FRRS1L: variants seen among roughly 807,000 people sequenced by gnomAD.
The protein encoded by FRRS1L is ferric chelate reductase 1 like.
Under a neutral mutation model 28.6 loss-of-function variants are expected in FRRS1L, and 22 were observed. That is an observed-to-expected ratio of 0.77 (90% CI 0.55 to 1.10). The LOEUF is 1.10. FRRS1L is among the 50% of genes least tolerant of loss of function. FRRS1L has a pLI of 0.00. For missense variants in FRRS1L, 380 were observed against 386.9 expected (o/e 0.98, Z 0.15); for synonymous variants, 158 against 151.4 (o/e 1.04, Z -0.32).
chr9:109,146,224 T>A (rs909822279), intron 3 of FRRS1L, among the ~76,000 whole-genome samples: 3 of 151,312 alleles, frequency 2.0e-5, no homozygotes, highest in African/African-American at 7.3e-5. Flanking sequence ...AACAAATAAA[T>A]TAAATAAATA....
rs1282597355 is a variant in FRRS1L, at chr9:109,131,159, G to C, written c.*6296C>G. The C allele has an allele frequency of 3.3e-5, 5 of 152,124 alleles. No homozygotes were observed. The highest frequency in any genetic ancestry group is 6.5e-5 in the Admixed American group (1 of 15,268). The allele number at this position is 152,124 out of a possible 1,614,324, so 9.4% of individuals were successfully genotyped here. Reference sequence around the variant, plus strand: ...ACTGGATACTTGAATAACTGAATAAGGAACCTAATTAAATACAAAACCTGT... The same window carrying C: ...ACTGGATACTTGAATAACTGAATAACGAACCTAATTAAATACAAAACCTGT... On this transcript the variant is annotated 3_prime_UTR_variant, in exon 5 of 5. Transcript: ENST00000561981.
At chr9:109,147,499 T>C (rs1831279545) in intron 2 of FRRS1L, 1 of 248,758 alleles carries the variant, frequency 4.0e-6, no homozygotes, top group Non-Finnish European at 7.7e-6. Flanking sequence ...CTCTACATTA[T>C]ATTAGTATTA....
chr9:109,161,756 T>A (rs1831483157), intron 1 of FRRS1L, among the ~76,000 whole-genome samples: 1 of 152,192 alleles, frequency 6.6e-6, no homozygotes, highest in African/African-American at 2.4e-5. Flanking sequence ...TTCCTTGAAG[T>A]TTAAGTTTTA....
rs1316558920 is a variant in FRRS1L, at chr9:109,160,513, TG to T, written c.238+6387del. ...GTGATCCTCCTGCCTCAGCCTCTCG[TG>T]TAGCTGGGACCACAGCTGTGTGCCA... On this transcript the variant is annotated intron_variant, in intron 1 of 4. Transcript: ENST00000561981. Among the ~76,000 whole-genome samples, 6 of 152,132 alleles carry T rather than the reference TG, an allele frequency of 3.9e-5. No individual in the cohort carries two copies. The East Asian group carries it at 1.2e-3, about 29-fold the overall frequency.
rs56265989 is a variant in FRRS1L at position 109,132,000 on chromosome 9, G to C, written c.*5455C>G. 4 of 128,334 alleles carry C rather than the reference G, an allele frequency of 3.1e-5. No individual in the cohort carries two copies. The highest frequency in any genetic ancestry group is 6.9e-5 in the Non-Finnish European group (4 of 58,188). 7.9% of individuals were successfully genotyped at this position (128,334 alleles called of 1,614,324 possible). A position where few individuals can be genotyped will look rare whatever the true frequency, so the allele number is the denominator to read the frequency against. On this transcript the variant is annotated 3_prime_UTR_variant, in exon 5 of 5. Coordinates refer to ENST00000561981, the MANE Select transcript of FRRS1L (RefSeq NM_014334.4). ...TTTATTTATTTATTTTTTAGACGGAGTCTTGCTCTGTTACCCAGGCTGGAG... is the reference window on the plus strand; with the variant it reads ...TTTATTTATTTATTTTTTAGACGGACTCTTGCTCTGTTACCCAGGCTGGAG...
intron 1 of FRRS1L, among the ~76,000 whole-genome samples, chr9:109,157,759 T>A (rs1162315516): frequency 6.6e-6 from 1 of 152,260 alleles, no homozygotes; most frequent in Admixed American, 6.5e-5. Context: ...TTTATTTGGA[T>A]ACTATACTGT....
chr9:109,141,250 G>A (rs531510730), intron 4 of FRRS1L, 93 bp downstream of exon 4: 26 of 1,403,112 alleles, frequency 1.9e-5, no homozygotes, highest in African/African-American at 4.2e-5. Context: ...AGTGCTTATC[G>A]CTCTCTTGTG....
Position 109,131,165 on chromosome 9 carries a change from T to G in FRRS1L, c.*6290A>C, listed in dbSNP as rs1250406140. 6.6e-6 allele frequency: 1 copy of G among 152,234 alleles called. No individual in the cohort carries two copies. Among genetic ancestry groups the G allele is most frequent in the Non-Finnish European group, 1.5e-5 (1 of 68,040 alleles). The allele number at this position is 152,234 out of a possible 1,614,324, so 9.4% of individuals were successfully genotyped here. On this transcript the variant is annotated 3_prime_UTR_variant, in exon 5 of 5. Transcript: ENST00000561981. Reference sequence around the variant, plus strand: ...TACTTGAATAACTGAATAAGGAACCTAATTAAATACAAAACCTGTATAGGT... The same window carrying G: ...TACTTGAATAACTGAATAAGGAACCGAATTAAATACAAAACCTGTATAGGT...
chr9:109,160,315 T>C (rs552754520), intron 1 of FRRS1L, among the ~76,000 whole-genome samples: 1 of 152,290 alleles, frequency 6.6e-6, no homozygotes, highest in South Asian at 2.1e-4. Context: ...ATAATCCCAC[T>C]AGCCACCTAC....
intron 1 of FRRS1L, among the ~76,000 whole-genome samples, chr9:109,155,364 C>T (rs1831390994): frequency 6.6e-6 from 1 of 152,080 alleles, no homozygotes; most frequent in Non-Finnish European, 1.5e-5. Flanking sequence ...AAATGAAGTA[C>T]TGATACATGT....
chr9:109,147,234 A>G, intron 2 of FRRS1L, 45 bp from the exon 3 acceptor site: 2 of 1,527,970 alleles, frequency 1.3e-6, no homozygotes, highest in South Asian at 1.1e-5. Flanking sequence ...TACTTACACA[A>G]AAGACATTAA....
chr9:109,162,834 C>T (rs1249163694), intron 1 of FRRS1L, among the ~76,000 whole-genome samples: 1 of 152,236 alleles, frequency 6.6e-6, no homozygotes, highest in Admixed American at 6.5e-5. Flanking sequence ...GTCCTTCTTT[C>T]TACCTCTCTG....
At chr9:109,157,124 A>T (rs937790856) in intron 1 of FRRS1L, among the ~76,000 whole-genome samples, 1 of 152,124 alleles carries the variant, frequency 6.6e-6, no homozygotes, top group African/African-American at 2.4e-5. Context: ...TCTCCTTAAC[A>T]TATAGGTTAA....
At chr9:109,150,270 T>C (rs1326878468) in intron 1 of FRRS1L, 1 of 152,376 alleles carries the variant, frequency 6.6e-6, no homozygotes, top group African/African-American at 2.4e-5. Context: ...CAGGTTGGAG[T>C]GCAGTGGTGC....
intron 1 of FRRS1L, among the ~76,000 whole-genome samples, chr9:109,161,922 C>T (rs1217716569): frequency 2.0e-5 from 3 of 152,188 alleles, no homozygotes; most frequent in East Asian, 1.9e-4. Context: ...CAGAAGCAAA[C>T]TCAGCCTTCA....
Position 109,161,468 on chromosome 9 carries a change from C to T in FRRS1L, c.238+5433G>A, listed in dbSNP as rs186584659. On this transcript the variant is annotated intron_variant, in intron 1 of 4. Transcript: ENST00000561981. ...GTAAATTCTGTTTTGGAGAACAATT[C>T]GAGCCATTTTTTTCTCTCCCTCCTT... is the stretch of plus-strand genomic sequence containing the variant. Among the ~76,000 whole-genome samples the T allele has an allele frequency of 8.9e-4, 135 of 152,146 alleles. No homozygotes were observed. In the Middle Eastern group the frequency reaches 0.017, roughly 19 times the overall value.
rs1831060218 is a variant in FRRS1L, at chr9:109,131,828, A to G, written c.*5627T>C. ...GACATACAATTATACACGGCAGCAA[A>G]GTATACACATCCCAGCCTTTGGCCT... On this transcript the variant is annotated 3_prime_UTR_variant, in exon 5 of 5. Coordinates refer to ENST00000561981, the MANE Select transcript of FRRS1L (RefSeq NM_014334.4). The G allele has an allele frequency of 6.6e-6, 1 of 152,232 alleles. No individual in the cohort carries two copies. Among genetic ancestry groups the G allele is most frequent in the African/African-American group, 2.4e-5 (1 of 41,460 alleles). The allele number at this position is 152,232 out of a possible 1,614,324, so 9.4% of individuals were successfully genotyped here. A position where few individuals can be genotyped will look rare whatever the true frequency, so the allele number is the denominator to read the frequency against.
chr9:109,159,953 T>C (rs1330206305), intron 1 of FRRS1L, among the ~76,000 whole-genome samples: 2 of 152,214 alleles, frequency 1.3e-5, no homozygotes, highest in Admixed American at 6.5e-5. Flanking sequence ...ACATATCCTA[T>C]TGCTTTTGTT....
At chr9:109,149,465 A>C (rs1362729264) in intron 2 of FRRS1L, among the ~76,000 whole-genome samples, 171 bp downstream of exon 2, 2 of 152,218 alleles carry the variant, frequency 1.3e-5, no homozygotes, top group Non-Finnish European at 2.9e-5. Context: ...TAAAGTTAAA[A>C]GGCCTTTAAG....
Sources: gnomAD v4.1 joint callset for allele counts (sites outside exome capture counted in the v4.1 genomes callset) on GRCh38, gnomAD v4.1.1 for gene constraint, MANE v1.5 for transcripts, NCBI Gene and HGNC (gene_info 2026-07-23, HGNC 2026-07-21) for gene names.